Variants in AUTS2 observed in about 807,000 individuals in gnomAD.
The protein encoded by AUTS2 is autism susceptibility gene 2 protein.
In AUTS2, 17 loss-of-function variants were observed where a neutral mutation model predicts 112.4. That is an observed-to-expected ratio of 0.15 (90% confidence interval 0.10 to 0.23). The LOEUF (loss-of-function observed/expected upper bound fraction) is 0.23, where lower values mean the gene tolerates loss of function less well. Among genes scored for constraint, AUTS2 ranks in the 10% least tolerant of loss-of-function variants. The probability of loss-of-function intolerance (pLI) is 1.00; values close to 1 mark genes in which losing one functional copy is unlikely to be tolerated. For synonymous variants in AUTS2, 751 were observed against 702.7 expected, an observed-to-expected ratio of 1.07 and a Z score of -1.09; for missense variants, 1,510 against 1,701.6, an observed-to-expected ratio of 0.89 and a Z score of 1.98.
At chr7:70,328,302 G>A (rs756578906) in intron 4 of AUTS2, among the ~76,000 whole-genome samples, 17 of 152,068 alleles carry the variant, frequency 1.1e-4, no homozygotes, top group Non-Finnish European at 2.4e-4. Flanking sequence ...GCTCACTGTA[G>A]CCTTGAACTC....
intron 1 of AUTS2, among the ~76,000 whole-genome samples, chr7:69,683,426 TG>T (rs1314089756): frequency 3.3e-5 from 5 of 152,150 alleles, no homozygotes; most frequent in African/African-American, 1.2e-4. Flanking sequence ...AGAAATGTTT[TG>T]GGGGCTGCTT....
Position 70,252,078 on chromosome 7 carries a change from T to G in AUTS2, c.660+117507T>G, listed in dbSNP as rs150696715. On this transcript the variant is annotated intron_variant, in intron 4 of 18. Transcript: ENST00000342771. ...CAGTATAGTTATCAACTGTGAATAT[T>G]GCTGCAACGAACATGAGAATATAGC... Among the ~76,000 whole-genome samples the G allele has an allele frequency of 1.8e-4, 28 of 152,362 alleles. No individual in the cohort carries two copies. In the East Asian group the frequency reaches 4.6e-3, roughly 25 times the overall value.
chr7:70,304,015 T>A (rs1297429067), intron 4 of AUTS2, among the ~76,000 whole-genome samples: 3 of 152,166 alleles, frequency 2.0e-5, no homozygotes, highest in Non-Finnish European at 2.9e-5. Context: ...CCTCAGCGCA[T>A]CACCTTCTTG....
At chr7:70,373,151 A>AG (rs1041657438) in intron 4 of AUTS2, among the ~76,000 whole-genome samples, 2 of 150,788 alleles carry the variant, frequency 1.3e-5, no homozygotes, top group Admixed American at 6.6e-5. Context: ...GTGAGAAACC[A>AG]GGGGGGAGTG....
intron 1 of AUTS2, among the ~76,000 whole-genome samples, chr7:69,624,616 G>C (rs1050313268): frequency 7.5e-4 from 114 of 152,326 alleles, no homozygotes; most frequent in African/African-American, 2.6e-3. Context: ...CCTGCCAGCA[G>C]CTACACATCT....
chr7:70,313,197 G>T (rs1789839711), intron 4 of AUTS2, among the ~76,000 whole-genome samples: 2 of 152,148 alleles, frequency 1.3e-5, no homozygotes, highest in African/African-American at 4.8e-5. Flanking sequence ...GAGTACTCAG[G>T]GTTAGACTTG....
At chr7:70,389,346 G>A (rs1025272677) in intron 4 of AUTS2, among the ~76,000 whole-genome samples, 2 of 151,788 alleles carry the variant, frequency 1.3e-5, no homozygotes, top group African/African-American at 4.8e-5. Flanking sequence ...GCCCAATGGG[G>A]AAAAAAAACA....
intron 4 of AUTS2, among the ~76,000 whole-genome samples, chr7:70,332,622 C>A (rs1209056144): frequency 6.6e-6 from 1 of 152,092 alleles, no homozygotes; most frequent in Non-Finnish European, 1.5e-5. Context: ...TAGATATAGA[C>A]CAATGGAACA....
At chr7:69,830,165 C>T (rs1428485822) in intron 1 of AUTS2, among the ~76,000 whole-genome samples, 2 of 152,126 alleles carry the variant, frequency 1.3e-5, no homozygotes, top group Admixed American at 1.3e-4. Context: ...TGTTCTCACT[C>T]ATAAGTGGGA....
At chr7:70,099,264 A>T (rs774184803) in intron 2 of AUTS2, among the ~76,000 whole-genome samples, 11 of 152,278 alleles carry the variant, frequency 7.2e-5, no homozygotes, top group Non-Finnish European at 1.0e-4. Context: ...AACTCCAAAA[A>T]CTGTTAGAAT....
chr7:70,315,305 AAC>A (rs763871557), intron 4 of AUTS2, among the ~76,000 whole-genome samples: 1 of 152,228 alleles, frequency 6.6e-6, no homozygotes, highest in Non-Finnish European at 1.5e-5. Context: ...AATGTTACTT[AAC>A]AGCATGGATA....
chr7:70,355,186 T>C (rs2129624586), intron 4 of AUTS2, among the ~76,000 whole-genome samples: 1 of 152,182 alleles, frequency 6.6e-6, no homozygotes, highest in Admixed American at 6.5e-5. Flanking sequence ...GATCCTAAAC[T>C]ATTGAGGAAT....
At chr7:70,776,865 T>C (rs1157966538) in intron 13 of AUTS2, 2 of 553,654 alleles carry the variant, frequency 3.6e-6, no homozygotes, top group Non-Finnish European at 6.4e-6. Context: ...GGGGAGGCCC[T>C]TGTCAATGTG....
intron 2 of AUTS2, among the ~76,000 whole-genome samples, chr7:70,063,534 T>C (rs2129561209): frequency 6.6e-6 from 1 of 152,272 alleles, no homozygotes; most frequent in African/African-American, 2.4e-5. Context: ...AAACCAGAGA[T>C]CATAGCACCT....
At chr7:69,933,462 C>T in intron 2 of AUTS2, among the ~76,000 whole-genome samples, 1 of 152,122 alleles carries the variant, frequency 6.6e-6, no homozygotes, top group East Asian at 1.9e-4. Context: ...TTCGTTTAAT[C>T]CTTTTCAGGA....
intron 1 of AUTS2, among the ~76,000 whole-genome samples, chr7:69,762,509 A>G (rs543020141): frequency 2.8e-4 from 43 of 151,718 alleles, no homozygotes; most frequent in Admixed American, 9.9e-4. Flanking sequence ...GGGTTTTGCC[A>G]TGTTGCCCAA....
intron 6 of AUTS2, among the ~76,000 whole-genome samples, chr7:70,727,907 C>G (rs904382920): frequency 2.0e-5 from 3 of 152,222 alleles, no homozygotes; most frequent in African/African-American, 7.2e-5. Context: ...GCAGGTAATA[C>G]AGTGGAGGAA....
chr7:70,602,833 C>A (rs1460424598), intron 5 of AUTS2, among the ~76,000 whole-genome samples: 12 of 152,146 alleles, frequency 7.9e-5, no homozygotes, highest in Non-Finnish European at 2.9e-5. Context: ...TTCGTCTGTT[C>A]GCCCTGAGTT....
At chr7:70,432,968 G>T (rs1795737528) in intron 4 of AUTS2, among the ~76,000 whole-genome samples, 1 of 152,172 alleles carries the variant, frequency 6.6e-6, no homozygotes, top group Non-Finnish European at 1.5e-5. Context: ...CACTCACCCG[G>T]CATGTTGTGT....
Sources: gnomAD v4.1 joint callset for allele counts (sites outside exome capture counted in the v4.1 genomes callset) on GRCh38, gnomAD v4.1.1 for gene constraint, MANE v1.5 for transcripts, NCBI Gene and HGNC (gene_info 2026-07-23, HGNC 2026-07-21) for gene names.